DAAM1: variants seen among roughly 807,000 people sequenced by gnomAD.
DAAM1 encodes dishevelled associated activator of morphogenesis 1.
Under a neutral mutation model 130.0 loss-of-function variants are expected in DAAM1, and 52 were observed. That is an observed-to-expected ratio of 0.40 (90% CI 0.32 to 0.50). The LOEUF is 0.50. Among genes scored for constraint, DAAM1 ranks in the 20% least tolerant of loss-of-function variants. The pLI is 0.61. For missense variants in DAAM1, 1,134 were observed against 1,303.8 expected, an observed-to-expected ratio of 0.87 and a Z score of 2.01; for synonymous variants, 452 against 444.5, an observed-to-expected ratio of 1.02 and a Z score of -0.21.
At chr14:59,206,827 A>G (rs1888276522) in intron 1 of DAAM1, among the ~76,000 whole-genome samples, 1 of 152,220 alleles carries the variant, frequency 6.6e-6, no homozygotes, top group Admixed American at 6.5e-5. Context: ...TTTAGGAACT[A>G]AAGTAGGGTC....
At position 59,369,537 on chromosome 14, in the gene DAAM1, T is replaced by C. The variant is rs991144820; in HGVS notation, c.*678T>C. 2 of 152,484 alleles carry C rather than the reference T, an allele frequency of 1.3e-5. No individual in the cohort carries two copies. Among genetic ancestry groups the C allele is most frequent in the Admixed American group, 1.3e-4 (2 of 15,264 alleles). The allele number at this position is 152,484 out of a possible 1,614,324, so 9.4% of individuals were successfully genotyped here. A position where few individuals can be genotyped will look rare whatever the true frequency, so the allele number is the denominator to read the frequency against. On this transcript the variant is annotated 3_prime_UTR_variant, in exon 25 of 25. Transcript: ENST00000360909. ...ATTTAAAAGTTGGACATCAATTTTT[T>C]CCCCTGATTTCATCAAGTTATCTCT... is the stretch of plus-strand genomic sequence containing the variant.
rs143711000 is a variant in DAAM1 at position 59,303,477 on chromosome 14, A to G, written c.274-11803A>G. On this transcript the variant is annotated intron_variant, in intron 3 of 24. Coordinates refer to ENST00000360909, the MANE Select transcript of DAAM1 (RefSeq NM_001270520.2). Reference sequence around the variant, plus strand: ...AGAACTGTGGCTTCCTGCCCTGGTTAGCGATGGAGTACTAATAACCTCAAG... The same window carrying G: ...AGAACTGTGGCTTCCTGCCCTGGTTGGCGATGGAGTACTAATAACCTCAAG... Among the ~76,000 whole-genome samples, 541 of 152,314 alleles carry G rather than the reference A, an allele frequency of 3.6e-3. 2 individuals are homozygous for G. The highest frequency in any genetic ancestry group is 5.4e-3 in the Non-Finnish European group (367 of 68,034).
intron 1 of DAAM1, among the ~76,000 whole-genome samples, chr14:59,219,665 G>A (rs886621362): frequency 6.6e-6 from 1 of 152,142 alleles, no homozygotes; most frequent in Admixed American, 6.5e-5. Flanking sequence ...TGGATCTTAG[G>A]TATAGTCAAG....
intron 3 of DAAM1, 124 bp from the exon 4 acceptor site, chr14:59,315,156 C>CA: frequency 1.2e-6 from 1 of 863,088 alleles, no homozygotes; most frequent in South Asian, 1.3e-5. Context: ...ATAAATACGT[C>CA]ATACCTTCGT....
intron 5 of DAAM1, 91 bp downstream of exon 5, chr14:59,320,675 A>G: frequency 1.1e-6 from 1 of 889,080 alleles, no homozygotes; most frequent in East Asian, 2.7e-5. Context: ...TCTTAAGTTA[A>G]AACCATAAAA....
intron 22 of DAAM1, among the ~76,000 whole-genome samples, chr14:59,361,206 GT>G (rs2139683882): frequency 6.6e-6 from 1 of 152,260 alleles, no homozygotes; most frequent in East Asian, 1.9e-4. Context: ...AATATATGGT[GT>G]TCACTTTCGG....
At chr14:59,367,626 C>A in intron 24 of DAAM1, 27 bp downstream of exon 24, 1 of 1,603,600 alleles carries the variant, frequency 6.2e-7, no homozygotes, top group South Asian at 1.1e-5. Flanking sequence ...TTGACCAATT[C>A]CACCTCCTAG....
chr14:59,228,674 T>G (rs1256404853), intron 1 of DAAM1, among the ~76,000 whole-genome samples: 1 of 152,232 alleles, frequency 6.6e-6, no homozygotes, highest in African/African-American at 2.4e-5. Flanking sequence ...TGTTCTGTGC[T>G]TGATGGCTTT....
At chr14:59,214,650 A>G (rs10220454) in intron 1 of DAAM1, among the ~76,000 whole-genome samples, 25,964 of 152,158 alleles carry the variant, frequency 0.17, 2,524 homozygotes, top group East Asian at 0.34. Context: ...ATGTTTTCCA[A>G]AGGTTCATCC....
chr14:59,268,401 C>T (rs1594789748), intron 2 of DAAM1, among the ~76,000 whole-genome samples: 1 of 152,184 alleles, frequency 6.6e-6, no homozygotes, highest in Admixed American at 6.5e-5. Context: ...CTGTGTTGAA[C>T]TTTTGAGAAA....
intron 1 of DAAM1, among the ~76,000 whole-genome samples, chr14:59,191,198 G>A (rs557513086): frequency 6.6e-6 from 1 of 152,130 alleles, no homozygotes; most frequent in Non-Finnish European, 1.5e-5. Context: ...ATTGCTGTGT[G>A]CTTGGTGGTT....
chr14:59,323,166 A>G lies in DAAM1; in HGVS notation c.715A>G (p.Lys239Glu). The change falls in exon 6 of 25, where the codon AAG (lysine) becomes GAG (glutamate). Residue 239 changes from lysine to glutamate, a missense_variant. Lys to Glu is a moderately conservative substitution (Grantham distance 56, BLOSUM62 1). Around this residue, in one of 3 missense-constraint regions of DAAM1, gnomAD observed 391 missense variants for 521.6 expected, o/e 0.75. Coordinates refer to ENST00000360909, the MANE Select transcript of DAAM1 (RefSeq NM_001270520.2). The part of the protein sequence containing the change: ...AVCLVPGGHK[K>E]VLQAMLHYQK... ...GTGCCTGGTTCCCGGGGGCCACAAG[A>G]AGGTTCTGCAGGCCATGCTGCACTA... 6.2e-7 allele frequency: 1 copy of G among 1,613,844 alleles called. No individual in the cohort carries two copies. Among genetic ancestry groups the G allele is most frequent in the South Asian group, 1.1e-5 (1 of 91,016 alleles).
intron 1 of DAAM1, among the ~76,000 whole-genome samples, chr14:59,234,681 G>C (rs1345185704): frequency 1.3e-5 from 2 of 152,164 alleles, no homozygotes; most frequent in African/African-American, 4.8e-5. Flanking sequence ...GGAGTGGTGA[G>C]AGAGGGCATC....
At chr14:59,284,723 G>A (rs1272311964) in intron 2 of DAAM1, among the ~76,000 whole-genome samples, 1 of 152,070 alleles carries the variant, frequency 6.6e-6, no homozygotes, top group Non-Finnish European at 1.5e-5. Context: ...AGGAATCTCA[G>A]AGCTTGAATA....
rs550059451 is a variant in DAAM1 at position 59,295,062 on chromosome 14, G to A, written c.273+3756G>A. ...TACTTGTACCCCTTCTTGGGCTTCA[G>A]AGTTTGCCAAGTAAGTAAATGGGAA... On this transcript the variant is annotated intron_variant, in intron 3 of 24. Coordinates refer to ENST00000360909, the MANE Select transcript of DAAM1 (RefSeq NM_001270520.2). 2.6e-5 allele frequency among the ~76,000 whole-genome samples: 4 copies of A among 152,304 alleles called. No individual in the cohort carries two copies. In the South Asian group the frequency reaches 6.2e-4, roughly 24 times the overall value.
At chr14:59,204,574 C>T (rs1033555071) in intron 1 of DAAM1, among the ~76,000 whole-genome samples, 1 of 152,164 alleles carries the variant, frequency 6.6e-6, no homozygotes, top group Admixed American at 6.5e-5. Flanking sequence ...AGTGGTATCT[C>T]ATCATAGTGA....
rs1159998453 is a variant in DAAM1, at chr14:59,202,995, C to CT, written c.-38+14241dup. On this transcript the variant is annotated intron_variant, in intron 1 of 24. Transcript: ENST00000360909. Reference sequence around the variant, plus strand: ...CAGTTAAAGACAGAACATGAGCTTTCTTTTTTTTTTTTTTGAGATGGAACC... The same window carrying CT: ...CAGTTAAAGACAGAACATGAGCTTTCTTTTTTTTTTTTTTTGAGATGGAACC... Among the ~76,000 whole-genome samples, 1,366 of 139,480 alleles carry CT rather than the reference C, an allele frequency of 9.8e-3. 11 individuals are homozygous for CT. Among genetic ancestry groups the CT allele is most frequent in the African/African-American group, 0.028 (1,067 of 38,256 alleles). 91.5% of individuals were successfully genotyped at this position (139,480 alleles called of 152,430 possible).
chr14:59,308,205 AGTTATGTTT>A (rs1884445124), intron 3 of DAAM1, among the ~76,000 whole-genome samples: 1 of 152,168 alleles, frequency 6.6e-6, no homozygotes. Flanking sequence ...ATAGGAGCTT[AGTTATGTTT>A]GTTAAAGTTA....
At chr14:59,257,307 A>G (rs1053005684) in intron 1 of DAAM1, among the ~76,000 whole-genome samples, 10 of 152,018 alleles carry the variant, frequency 6.6e-5, no homozygotes, top group Admixed American at 5.9e-4. Context: ...AGAATATACT[A>G]CGTGCCAGGG....
Sources: gnomAD v4.1 joint callset for allele counts (sites outside exome capture counted in the v4.1 genomes callset) on GRCh38, gnomAD v4.1.1 for gene constraint, gnomAD v4.1.1 regional missense constraint, MANE v1.5 for transcripts, NCBI Gene and HGNC (gene_info 2026-07-23, HGNC 2026-07-21) for gene names.